KLHL15: variants seen among roughly 807,000 people sequenced by gnomAD.
The protein encoded by KLHL15 is kelch like family member 15.
In KLHL15, 1 loss-of-function variant was observed where a neutral mutation model predicts 29.3. That is an observed-to-expected ratio of 0.03 (90% CI 0.01 to 0.16). KLHL15 has a LOEUF of 0.16. Among genes scored for constraint, KLHL15 ranks in the 10% least tolerant of loss-of-function variants. The pLI is 1.00. For synonymous variants in KLHL15, 212 were observed against 184.5 expected, an observed-to-expected ratio of 1.15 and a Z score of -1.21; for missense variants, 215 against 478.5, an observed-to-expected ratio of 0.45 and a Z score of 5.14.
chrX:24,006,146 T>C lies in KLHL15; in HGVS notation c.548A>G (p.Tyr183Cys). 1 of 1,211,520 alleles carries C rather than the reference T, an allele frequency of 8.3e-7. No individual in the cohort carries two copies. The highest frequency in any genetic ancestry group is 1.1e-6 in the Non-Finnish European group (1 of 895,453). ...CCTGCTCAGATGATCATTATCCAAG[T>C]AAGACATGAGCTTCTCAAAGCTCAG... ...SYLSFEKLMS[Y>C]LDNDHLSRFP... The change falls in exon 3 of 4, where the codon TAC becomes TGC. Residue 183 changes from tyrosine (Y) to cysteine (C), a missense_variant. By Grantham distance (194) the Tyr-to-Cys change is radical (BLOSUM62 -2). Transcript: ENST00000328046.
chrX:24,024,466 C>A (rs1241218530), intron 2 of KLHL15, among the ~76,000 whole-genome samples: 1 of 111,680 alleles, frequency 9.0e-6, no homozygotes, highest in African/African-American at 3.3e-5. Context: ...AACCAAGGCT[C>A]GGTACGCGAT....
intron 3 of KLHL15, among the ~76,000 whole-genome samples, chrX:24,000,365 T>C (rs1205525285): frequency 1.1e-4 from 12 of 110,546 alleles, no homozygotes; most frequent in African/African-American, 3.3e-4. Flanking sequence ...CCCAGCTACT[T>C]GGGAGGCTGA....
intron 2 of KLHL15, among the ~76,000 whole-genome samples, chrX:24,024,377 T>C (rs1447562080): frequency 8.9e-6 from 1 of 112,191 alleles, no homozygotes; most frequent in Non-Finnish European, 1.9e-5. Flanking sequence ...CAGTTAAGGA[T>C]TATTTTCACA....
chrX:24,002,449 T>C (rs1381647919), intron 3 of KLHL15, among the ~76,000 whole-genome samples: 4 of 112,052 alleles, frequency 3.6e-5, no homozygotes, highest in Non-Finnish European at 7.5e-5. Context: ...AAATGAGTCA[T>C]AAAAATCCTT....
At chrX:24,025,302 G>C (rs1222045430) in intron 1 of KLHL15, among the ~76,000 whole-genome samples, 1 of 108,264 alleles carries the variant, frequency 9.2e-6, no homozygotes, top group Non-Finnish European at 1.9e-5. Flanking sequence ...CCCGAAGCGC[G>C]CCGAGCCTCG....
At chrX:24,011,123 G>T (rs1338736034) in intron 2 of KLHL15, among the ~76,000 whole-genome samples, 2 of 97,098 alleles carry the variant, frequency 2.1e-5, no homozygotes, top group East Asian at 6.5e-4. Context: ...CTTCCTGACA[G>T]ATTAACCCAT....
intron 2 of KLHL15, among the ~76,000 whole-genome samples, chrX:24,023,620 T>C (rs1929858445): frequency 8.9e-6 from 1 of 112,154 alleles, no homozygotes. Flanking sequence ...CTGTTACACA[T>C]ATAAATCCTG....
chrX:24,019,343 G>C (rs1394820506), intron 2 of KLHL15, among the ~76,000 whole-genome samples: 1 of 111,268 alleles, frequency 9.0e-6, no homozygotes, highest in African/African-American at 3.3e-5. Context: ...TGCAACCTCT[G>C]CTCCGGGGTT....
At chrX:24,009,923 G>T (rs1929539647) in intron 2 of KLHL15, among the ~76,000 whole-genome samples, 1 of 102,803 alleles carries the variant, frequency 9.7e-6, no homozygotes, top group Non-Finnish European at 2.0e-5. Context: ...CTGGGAGACG[G>T]AGGCTGCAGT....
chrX:23,993,012 T>C (rs1240260988), intron 3 of KLHL15, among the ~76,000 whole-genome samples: 1 of 109,971 alleles, frequency 9.1e-6, no homozygotes, highest in East Asian at 2.9e-4. Context: ...TATTAACAAA[T>C]AACAAAGAGA....
At chrX:24,025,704 A>G (rs1166984516) in intron 1 of KLHL15, among the ~76,000 whole-genome samples, 1 of 31,841 alleles carries the variant, frequency 3.1e-5, no homozygotes, top group Non-Finnish European at 5.9e-5. Context: ...CGGGAGCGGG[A>G]GCGGGTGTGG....
chrX:24,017,619 A>G (rs772876756), intron 2 of KLHL15, among the ~76,000 whole-genome samples: 15 of 108,701 alleles, frequency 1.4e-4, no homozygotes, highest in African/African-American at 4.4e-4. Flanking sequence ...CATCTCTACT[A>G]AAAACATAAA....
chrX:24,025,725 G>C (rs1285261277), intron 1 of KLHL15, among the ~76,000 whole-genome samples: 12 of 102,768 alleles, frequency 1.2e-4, no homozygotes, highest in East Asian at 3.6e-4. Context: ...GAACGGGGGG[G>C]AAGGGGGGGC....
At chrX:24,007,905 ATATT>A (rs1420833083) in intron 2 of KLHL15, among the ~76,000 whole-genome samples, 1 of 105,455 alleles carries the variant, frequency 9.5e-6, no homozygotes, top group Non-Finnish European at 2.0e-5. Context: ...TTTACAAAGA[ATATT>A]TATCAGATAT....
Position 24,022,618 on chromosome X carries a change from G to A in KLHL15, c.-8+2239C>T, listed in dbSNP as rs111431041. Among the ~76,000 whole-genome samples, 812 of 97,674 alleles carry A rather than the reference G, an allele frequency of 8.3e-3. 9 individuals are homozygous for A. The highest frequency in any genetic ancestry group is 0.031 in the African/African-American group (775 of 25,327). 84.8% of individuals were successfully genotyped at this position (97,674 alleles called of 115,157 possible). A position where few individuals can be genotyped will look rare whatever the true frequency, so the allele number is the denominator to read the frequency against. ...CGCACCACTCCACTCCAGCCTGGGCGACAGAACAAGACTCTTGTCTTAAAA... is the reference window on the plus strand; with the variant it reads ...CGCACCACTCCACTCCAGCCTGGGCAACAGAACAAGACTCTTGTCTTAAAA... On this transcript the variant is annotated intron_variant, in intron 2 of 3. Coordinates refer to ENST00000328046, the MANE Select transcript of KLHL15 (RefSeq NM_030624.3).
chrX:24,025,453 C>G (rs1187567077), intron 1 of KLHL15, among the ~76,000 whole-genome samples: 1 of 103,051 alleles, frequency 9.7e-6, no homozygotes, highest in African/African-American at 3.5e-5. Context: ...CCCAGGGAGG[C>G]GGGGCTGGCC....
intron 3 of KLHL15, among the ~76,000 whole-genome samples, chrX:23,995,060 G>A (rs1478201703): frequency 9.0e-6 from 1 of 111,395 alleles, no homozygotes; most frequent in Non-Finnish European, 1.9e-5. Context: ...AATGAAGTAT[G>A]AGAAATGATT....
chrX:24,014,430 A>G (rs983891387), intron 2 of KLHL15, among the ~76,000 whole-genome samples: 2 of 111,666 alleles, frequency 1.8e-5, no homozygotes, highest in African/African-American at 6.5e-5. Context: ...TCATTACCTG[A>G]AAAGGTCTAA....
intron 2 of KLHL15, among the ~76,000 whole-genome samples, chrX:24,019,338 CCT>C (rs1312854566): frequency 9.0e-6 from 1 of 111,562 alleles, no homozygotes; most frequent in African/African-American, 3.3e-5. Flanking sequence ...ATCTCTGCAA[CCT>C]CTGCTCCGGG....
Sources: gnomAD v4.1 joint callset for allele counts (sites outside exome capture counted in the v4.1 genomes callset) on GRCh38, gnomAD v4.1.1 for gene constraint, MANE v1.5 for transcripts, NCBI Gene and HGNC (gene_info 2026-07-23, HGNC 2026-07-21) for gene names.